Variants in LSM10 observed in about 807,000 individuals in gnomAD.
LSM10 encodes U7 snRNA-associated Sm-like protein LSm10.
LSM10 carries 4 observed loss-of-function variants against 5.2 expected under a neutral mutation model. The ratio of observed to expected loss-of-function variants is 0.77; its 90% CI spans 0.38 to 1.77. The LOEUF is 1.77. Among genes scored for constraint, LSM10 ranks in the 40% most tolerant of loss-of-function variants. LSM10 has a pLI of 0.04. For synonymous variants in LSM10, 63 were observed against 67.4 expected (o/e 0.94, Z 0.32); for missense variants, 150 against 171.6 (o/e 0.87, Z 0.70).
At chr1:36,395,260 A>G (rs969360368) in intron 1 of LSM10, among the ~76,000 whole-genome samples, 15 of 152,224 alleles carry the variant, frequency 9.9e-5, no homozygotes, top group Non-Finnish European at 2.2e-4. Context: ...TAGAGAAACA[A>G]TAATTATAAA....
At chr1:36,395,706 A>G (rs12239066) in intron 1 of LSM10, among the ~76,000 whole-genome samples, 47,200 of 149,988 alleles carry the variant, frequency 0.31, 7,536 homozygotes, top group African/African-American at 0.35. Flanking sequence ...TGAATCCGGG[A>G]GGTGGAGGCT....
intron 1 of LSM10, among the ~76,000 whole-genome samples, chr1:36,396,040 T>G (rs1003624384): frequency 6.6e-6 from 1 of 151,332 alleles, no homozygotes; most frequent in Non-Finnish European, 1.5e-5. Context: ...GCTAACATGG[T>G]GAAACCCCCA....
At chr1:36,395,708 G>A (rs995373445) in intron 1 of LSM10, among the ~76,000 whole-genome samples, 3 of 151,440 alleles carry the variant, frequency 2.0e-5, no homozygotes, top group East Asian at 1.9e-4. Flanking sequence ...AATCCGGGAG[G>A]TGGAGGCTGC....
Position 36,393,662 on chromosome 1 carries a change from C to T in LSM10, c.*96G>A. The T allele has an allele frequency of 2.0e-6, 3 of 1,529,554 alleles. No homozygotes were observed. The highest frequency in any genetic ancestry group is 1.4e-5 in the African/African-American group (1 of 73,270). 94.7% of individuals were successfully genotyped at this position (1,529,554 alleles called of 1,614,324 possible). Reference sequence around the variant, plus strand: ...GACACCAGCTTCTGGCCTGGCCCTGCTTTCTTCTCGGGTACCAGACAGGGT... The same window carrying T: ...GACACCAGCTTCTGGCCTGGCCCTGTTTTCTTCTCGGGTACCAGACAGGGT... On this transcript the variant is annotated 3_prime_UTR_variant, in exon 2 of 2. Coordinates refer to ENST00000315732, the MANE Select transcript of LSM10 (RefSeq NM_032881.3).
Position 36,394,001 on chromosome 1 carries a change from T to C in LSM10, c.129A>G (p.Ile43Met), listed in dbSNP as rs1424877884. ...LRDESVAHGR[I>M]DNVDAFMNIR... The stretch of plus-strand genomic sequence containing the variant: ...TGTTCATGAAAGCATCGACATTGTC[T>C]ATGCGTCCGTGGGCCACGCTCTCAT... The change falls in exon 2 of 2, where the codon ATA becomes ATG. Residue 43 changes from isoleucine (I) to methionine (M), a missense_variant. Coordinates refer to ENST00000315732, the MANE Select transcript of LSM10 (RefSeq NM_032881.3). 6.2e-7 allele frequency: 1 copy of C among 1,614,102 alleles called. No individual in the cohort carries two copies. Among genetic ancestry groups the C allele is most frequent in the African/African-American group, 1.3e-5 (1 of 74,932 alleles).
At chr1:36,395,815 A>C (rs1647153856) in intron 1 of LSM10, among the ~76,000 whole-genome samples, 1 of 150,538 alleles carries the variant, frequency 6.6e-6, no homozygotes, top group South Asian at 2.1e-4. Flanking sequence ...GTCTGGCTCC[A>C]AACCTCACAC....
At chr1:36,397,635 G>A (rs541749257) in intron 1 of LSM10, 132 bp downstream of exon 1, 11 of 152,352 alleles carry the variant, frequency 7.2e-5, no homozygotes, top group African/African-American at 2.4e-4. Context: ...AGCGGGAGCG[G>A]GTCTGGGGAA....
intron 1 of LSM10, among the ~76,000 whole-genome samples, chr1:36,396,047 C>T (rs905359112): frequency 6.6e-6 from 1 of 151,658 alleles, no homozygotes; most frequent in Non-Finnish European, 1.5e-5. Context: ...TGGTGAAACC[C>T]CCATCTCTAC....
At chr1:36,396,805 C>T (rs939439389) in intron 1 of LSM10, among the ~76,000 whole-genome samples, 6 of 152,134 alleles carry the variant, frequency 3.9e-5, no homozygotes, top group African/African-American at 1.4e-4. Flanking sequence ...AACCCAGTAT[C>T]TACCAAAAAT....
Position 36,393,636 on chromosome 1 carries a change from G to A in LSM10, c.*122C>T. The A allele has an allele frequency of 1.5e-6, 2 of 1,347,670 alleles. No homozygotes were observed. The highest frequency in any genetic ancestry group is 2.1e-6 in the Non-Finnish European group (2 of 973,906). 83.5% of individuals were successfully genotyped at this position (1,347,670 alleles called of 1,614,324 possible). A position where few individuals can be genotyped will look rare whatever the true frequency, so the allele number is the denominator to read the frequency against. On this transcript the variant is annotated 3_prime_UTR_variant, in exon 2 of 2. Coordinates refer to ENST00000315732, the MANE Select transcript of LSM10 (RefSeq NM_032881.3). ...GCAGCTTTGACAGGTGGTGTCTGTTGGACACCAGCTTCTGGCCTGGCCCTG... is the reference window on the plus strand; with the variant it reads ...GCAGCTTTGACAGGTGGTGTCTGTTAGACACCAGCTTCTGGCCTGGCCCTG...
chr1:36,393,695 C>A lies in LSM10; in HGVS notation c.*63G>T. ...TCGGGTACCAGACAGGGTGTGAGGG[C>A]AGGGAACTAGCTCCGGAGATCACTG... is the stretch of plus-strand genomic sequence containing the variant. On this transcript the variant is annotated 3_prime_UTR_variant, in exon 2 of 2. Coordinates refer to ENST00000315732, the MANE Select transcript of LSM10 (RefSeq NM_032881.3). 1 of 1,582,736 alleles carries A rather than the reference C, an allele frequency of 6.3e-7. No individual in the cohort carries two copies.
At chr1:36,394,994 C>G (rs768774141) in intron 1 of LSM10, among the ~76,000 whole-genome samples, 1 of 152,084 alleles carries the variant, frequency 6.6e-6, no homozygotes, top group Non-Finnish European at 1.5e-5. Context: ...GTAATCTCAG[C>G]TACTCGGGAG....
At position 36,394,270 on chromosome 1, in the gene LSM10, T is replaced by C. The variant is rs1168694426; in HGVS notation, c.-24-117A>G. 6.5e-6 allele frequency: 6 copies of C among 921,476 alleles called. No homozygotes were observed. The African/African-American group carries it at 8.3e-5, about 13-fold the overall frequency. 57.1% of individuals were successfully genotyped at this position (921,476 alleles called of 1,614,324 possible). On this transcript the variant is annotated intron_variant, in intron 1 of 1. Transcript: ENST00000315732. ...GCACAGACCACCTCTGCAATTTTTG[T>C]ATCTGTGGACACAGATGCTTCCCGC...
chr1:36,395,757 A>G, intron 1 of LSM10, among the ~76,000 whole-genome samples: 1 of 149,686 alleles, frequency 6.7e-6, no homozygotes. Flanking sequence ...CAGCCTGGGT[A>G]ACAGAGAGAC....
intron 1 of LSM10, among the ~76,000 whole-genome samples, chr1:36,397,262 T>C (rs1647163245): frequency 6.6e-6 from 1 of 152,198 alleles, no homozygotes; most frequent in Non-Finnish European, 1.5e-5. Context: ...TTTTCAGACC[T>C]GAGTTAAAGG....
Position 36,394,172 on chromosome 1 carries a change from A to G in LSM10, c.-24-19T>C. 3 of 1,582,452 alleles carry G rather than the reference A, an allele frequency of 1.9e-6. No individual in the cohort carries two copies. The highest frequency in any genetic ancestry group is 2.6e-6 in the Non-Finnish European group (3 of 1,164,918). Reference sequence around the variant, plus strand: ...CTGCTTGCTGTGGACAGGAGCACACAGATGGCAGCTATAGCAGGGTAGGGG... The same window carrying G: ...CTGCTTGCTGTGGACAGGAGCACACGGATGGCAGCTATAGCAGGGTAGGGG... On this transcript the variant is annotated intron_variant, in intron 1 of 1. Transcript: ENST00000315732.
Position 36,393,681 on chromosome 1 carries a change from A to C in LSM10, c.*77T>G. Reference sequence around the variant, plus strand: ...GCCCTGCTTTCTTCTCGGGTACCAGACAGGGTGTGAGGGCAGGGAACTAGC... The same window carrying C: ...GCCCTGCTTTCTTCTCGGGTACCAGCCAGGGTGTGAGGGCAGGGAACTAGC... On this transcript the variant is annotated 3_prime_UTR_variant, in exon 2 of 2. Coordinates refer to ENST00000315732, the MANE Select transcript of LSM10 (RefSeq NM_032881.3). 1 of 1,563,700 alleles carries C rather than the reference A, an allele frequency of 6.4e-7. No homozygotes were observed. Among genetic ancestry groups the C allele is most frequent in the Non-Finnish European group, 8.7e-7 (1 of 1,150,482 alleles).
At chr1:36,394,951 C>CA (rs1444669540) in intron 1 of LSM10, among the ~76,000 whole-genome samples, 1 of 151,498 alleles carries the variant, frequency 6.6e-6, no homozygotes, top group Admixed American at 6.6e-5. Flanking sequence ...ACTAAAAATA[C>CA]AAAAAATTAG....
Position 36,393,611 on chromosome 1 carries a change from G to C in LSM10, c.*147C>G, listed in dbSNP as rs976467462. On this transcript the variant is annotated 3_prime_UTR_variant, in exon 2 of 2. Coordinates refer to ENST00000315732, the MANE Select transcript of LSM10 (RefSeq NM_032881.3). ...TCTGGGAGGTGGAACCCTGTGAAAG[G>C]CAGCTTTGACAGGTGGTGTCTGTTG... 2.7e-6 allele frequency: 3 copies of C among 1,113,090 alleles called. No individual in the cohort carries two copies. The highest frequency in any genetic ancestry group is 2.4e-5 in the East Asian group (1 of 42,196). 69.0% of individuals were successfully genotyped at this position (1,113,090 alleles called of 1,614,324 possible).
Sources: gnomAD v4.1 joint callset for allele counts (sites outside exome capture counted in the v4.1 genomes callset) on GRCh38, gnomAD v4.1.1 for gene constraint, MANE v1.5 for transcripts, NCBI Gene and HGNC (gene_info 2026-07-23, HGNC 2026-07-21) for gene names.